The following LNX1 variants were observed in gnomAD, a reference collection of about 807,000 sequenced individuals.
LNX1 encodes E3 ubiquitin-protein ligase LNX.
LNX1 carries 54 observed loss-of-function variants against 68.4 expected under a neutral mutation model. The ratio of observed to expected loss-of-function variants is 0.79; its 90% CI spans 0.63 to 0.99. The LOEUF (loss-of-function observed/expected upper bound fraction) is 0.99, where lower values mean the gene tolerates loss of function less well. LNX1 is among the 50% of genes least tolerant of loss of function. The probability of loss-of-function intolerance (pLI) is 0.00; values close to 1 mark genes in which losing one functional copy is unlikely to be tolerated. For synonymous variants in LNX1, 336 were observed against 350.0 expected (o/e 0.96, Z 0.45); for missense variants, 906 against 926.4 (o/e 0.98, Z 0.29).
intron 1 of LNX1, among the ~76,000 whole-genome samples, chr4:53,648,172 C>T (rs992954272): frequency 6.6e-6 from 1 of 152,190 alleles, no homozygotes; most frequent in African/African-American, 2.4e-5. Context: ...TTTTGGTGAA[C>T]CACCATACCA....
At chr4:53,635,311 C>T (rs913820875) in intron 1 of LNX1, among the ~76,000 whole-genome samples, 39 of 152,188 alleles carry the variant, frequency 2.6e-4, no homozygotes, top group Non-Finnish European at 5.6e-4. Flanking sequence ...TAGATCCCCC[C>T]TTCCGGATGT....
intron 1 of LNX1, among the ~76,000 whole-genome samples, chr4:53,626,416 A>G (rs1472996154): frequency 3.3e-5 from 5 of 152,240 alleles, no homozygotes; most frequent in African/African-American, 1.2e-4. Flanking sequence ...ATAACTCAAT[A>G]AAGCTCTTTT....
chr4:53,488,954 C>G (rs2109443212), intron 6 of LNX1, among the ~76,000 whole-genome samples: 1 of 152,290 alleles, frequency 6.6e-6, no homozygotes, highest in East Asian at 1.9e-4. Flanking sequence ...GAAAAAAAAT[C>G]CTCCCACTGA....
Position 53,558,133 on chromosome 4 carries a change from G to A in LNX1, c.380+15490C>T, listed in dbSNP as rs1278404500. On this transcript the variant is annotated intron_variant, in intron 2 of 10. Coordinates refer to ENST00000263925, the MANE Select transcript of LNX1 (RefSeq NM_001126328.3). ...AGCCACGTTAATAAATCACGGGCCC[G>A]TAAGAAGATTATGCTCTCTGATTCT... The A allele has an allele frequency of 2.9e-5, 41 of 1,423,474 alleles. No homozygotes were observed. In the South Asian group the frequency reaches 4.6e-4, roughly 16 times the overall value. 88.2% of individuals were successfully genotyped at this position (1,423,474 alleles called of 1,614,324 possible).
chr4:53,481,706 C>T lies in LNX1; in HGVS notation c.1485+14G>A, dbSNP rs1242519153. On this transcript the variant is annotated intron_variant, in intron 7 of 10. Coordinates refer to ENST00000263925, the MANE Select transcript of LNX1 (RefSeq NM_001126328.3). Reference sequence around the variant, plus strand: ...CCCCTTGCAGGAGCAGGCGACCTGCCCTAGAGGCCTCACCTTGGGAGTGTT... The same window carrying T: ...CCCCTTGCAGGAGCAGGCGACCTGCTCTAGAGGCCTCACCTTGGGAGTGTT... 4.3e-6 allele frequency: 7 copies of T among 1,612,156 alleles called. No individual in the cohort carries two copies. Among genetic ancestry groups the T allele is most frequent in the Non-Finnish European group, 5.9e-6 (7 of 1,179,052 alleles).
At position 53,573,856 on chromosome 4, in the gene LNX1, C is replaced by A. The variant is rs1486982300; in HGVS notation, c.147G>T (p.Leu49=). 6.2e-7 allele frequency: 1 copy of A among 1,613,770 alleles called. No individual in the cohort carries two copies. Among genetic ancestry groups the A allele is most frequent in the Admixed American group, 1.7e-5 (1 of 60,002 alleles). The change falls in exon 2 of 11, where the codon CTG becomes CTT. Residue 49 remains leucine (L), a synonymous_variant. Transcript: ENST00000263925. Reference sequence around the variant, plus strand: ...GTCCACACGGAGTGTCCAGGGGGTCCAGCAAAGCCTGCAGGCAGATGTGGC... The same window carrying A: ...GTCCACACGGAGTGTCCAGGGGGTCAAGCAAAGCCTGCAGGCAGATGTGGC... The part of the protein sequence containing the change: ...LICHICLQAL[L]DPLDTPCGHT...
At chr4:53,516,048 A>G (rs1281342918) in intron 2 of LNX1, among the ~76,000 whole-genome samples, 1 of 152,178 alleles carries the variant, frequency 6.6e-6, no homozygotes, top group African/African-American at 2.4e-5. Flanking sequence ...GCCAGGAGTT[A>G]GAGACCCGTA....
chr4:53,509,300 C>A (rs766584303), intron 2 of LNX1, among the ~76,000 whole-genome samples: 4 of 152,210 alleles, frequency 2.6e-5, no homozygotes, highest in Admixed American at 2.0e-4. Flanking sequence ...CTTATCAATT[C>A]ATTACTCAAA....
At chr4:53,470,314 A>G (rs1723059793) in intron 9 of LNX1, among the ~76,000 whole-genome samples, 1 of 152,358 alleles carries the variant, frequency 6.6e-6, no homozygotes, top group African/African-American at 2.4e-5. Context: ...AACTCTCAAT[A>G]AATTAGGTAT....
At chr4:53,597,620 G>A (rs546358489) in intron 2 of LNX1, among the ~76,000 whole-genome samples, 37 of 152,274 alleles carry the variant, frequency 2.4e-4, no homozygotes, top group African/African-American at 7.7e-4. Context: ...CAGAGCTTTC[G>A]TCTGTGGCTC....
At chr4:53,473,071 T>C (rs998326351) in intron 9 of LNX1, among the ~76,000 whole-genome samples, 16 of 152,072 alleles carry the variant, frequency 1.1e-4, no homozygotes, top group Admixed American at 4.6e-4. Flanking sequence ...CTAAATAAAG[T>C]TGGTTAGTGA....
intron 1 of LNX1, chr4:53,652,052 AGAG>A (rs1560708622): frequency 0.021 from 3,080 of 147,754 alleles, 118 homozygotes; most frequent in African/African-American, 0.079. Context: ...AGAGAGAGAG[AGAG>A]AGAGAGACAG....
At chr4:53,511,395 A>G (rs1289760040) in intron 2 of LNX1, among the ~76,000 whole-genome samples, 1 of 152,222 alleles carries the variant, frequency 6.6e-6, no homozygotes, top group East Asian at 1.9e-4. Context: ...GTTGTGTTCA[A>G]AGCAAGGAGG....
chr4:53,558,564 C>T (rs1314850833), intron 2 of LNX1, among the ~76,000 whole-genome samples: 2 of 152,210 alleles, frequency 1.3e-5, no homozygotes, highest in Admixed American at 6.5e-5. Flanking sequence ...ACTGCACTGA[C>T]ATATGAAAGA....
chr4:53,513,353 G>C (rs1435212), intron 2 of LNX1, among the ~76,000 whole-genome samples: 146,086 of 152,190 alleles, frequency 0.96, 70,400 homozygotes, highest in East Asian at 1. Flanking sequence ...GATATGGACA[G>C]TAGAAGGGAG....
intron 2 of LNX1, among the ~76,000 whole-genome samples, chr4:53,511,844 G>T (rs1726366217): frequency 6.6e-6 from 1 of 152,138 alleles, no homozygotes; most frequent in Non-Finnish European, 1.5e-5. Flanking sequence ...GCGTGATCTG[G>T]GTTCCCATGA....
rs1211079437 is a variant in LNX1 at position 53,590,396 on chromosome 4, G to A, written c.-87+992C>T. Among the ~76,000 whole-genome samples the A allele has an allele frequency of 1.1e-4, 17 of 152,274 alleles. No individual in the cohort carries two copies. In the East Asian group the frequency reaches 2.3e-3, roughly 21 times the overall value. The stretch of plus-strand genomic sequence containing the variant: ...GTTGGAATCTAGAATGAAGTGTCTC[G>A]CAGATTTATTTCTTTTTCCAGTTTT... On this transcript the variant is annotated intron_variant, in intron 1 of 10. Transcript: ENST00000263925.
chr4:53,522,811 A>AAAACC (rs1006623145), intron 2 of LNX1, among the ~76,000 whole-genome samples: 9 of 152,210 alleles, frequency 5.9e-5, no homozygotes, highest in Admixed American at 1.3e-4. Flanking sequence ...ACACAAAACC[A>AAAACC]AAACCAAACC....
rs867377070 is a variant in LNX1, at chr4:53,468,980, C to T, written c.1893-7387G>A. Among the ~76,000 whole-genome samples the T allele has an allele frequency of 1.1e-4, 16 of 152,270 alleles. 1 individual carries two copies. The Middle Eastern group carries it at 0.01, about 97-fold the overall frequency. ...TCCAGGAATTGAACTCAGCTCTGCA[C>T]CAAGCAGACCTAATAGACATCTACG... On this transcript the variant is annotated intron_variant, in intron 9 of 10. Coordinates refer to ENST00000263925, the MANE Select transcript of LNX1 (RefSeq NM_001126328.3).
Sources: allele counts gnomAD v4.1 joint callset (sites outside exome capture counted in the v4.1 genomes callset), GRCh38; gene constraint gnomAD v4.1.1; transcripts MANE v1.5; gene names NCBI Gene and HGNC (gene_info 2026-07-23, HGNC 2026-07-21).